Variants in ZMAT5 observed in about 807,000 individuals in gnomAD.
ZMAT5 encodes the protein zinc finger matrin-type 5.
Under a neutral mutation model 28.0 loss-of-function variants are expected in ZMAT5, and 23 were observed. That is an observed-to-expected ratio of 0.82 (90% confidence interval 0.59 to 1.16). The LOEUF (loss-of-function observed/expected upper bound fraction) is 1.16, where lower values mean the gene tolerates loss of function less well. Among genes scored for constraint, ZMAT5 ranks in the 50% most tolerant of loss-of-function variants. ZMAT5 has a pLI of 0.00. For missense variants in ZMAT5, 173 were observed against 212.7 expected, an observed-to-expected ratio of 0.81 and a Z score of 1.16; for synonymous variants, 76 against 84.1, an observed-to-expected ratio of 0.90 and a Z score of 0.52.
At chr22:29,765,320 G>C (rs2068196805) in intron 1 of ZMAT5, among the ~76,000 whole-genome samples, 1 of 151,968 alleles carries the variant, frequency 6.6e-6, no homozygotes, top group East Asian at 1.9e-4. Context: ...TCAGTAGGCT[G>C]AGGCATGAGA....
chr22:29,762,637 G>A (rs557185564), intron 1 of ZMAT5, among the ~76,000 whole-genome samples: 4 of 152,320 alleles, frequency 2.6e-5, no homozygotes, highest in East Asian at 1.9e-4. Context: ...AGATGGGACC[G>A]TCTAGTTGCA....
intron 1 of ZMAT5, among the ~76,000 whole-genome samples, chr22:29,765,629 G>A (rs746226910): frequency 6.6e-6 from 1 of 151,832 alleles, no homozygotes; most frequent in Non-Finnish European, 1.5e-5. Flanking sequence ...CAGCACTTTG[G>A]GAGGCCAAGA....
At chr22:29,758,452 C>T (rs1438653736) in intron 1 of ZMAT5, among the ~76,000 whole-genome samples, 1 of 152,120 alleles carries the variant, frequency 6.6e-6, no homozygotes, top group Non-Finnish European at 1.5e-5. Flanking sequence ...CCTATCTCTA[C>T]AAACAGTTTG....
intron 1 of ZMAT5, among the ~76,000 whole-genome samples, chr22:29,766,152 A>G (rs1289789983): frequency 2.0e-5 from 3 of 152,174 alleles, no homozygotes; most frequent in Non-Finnish European, 2.9e-5. Flanking sequence ...TGTCTCTAAA[A>G]ACAAAAACCA....
intron 1 of ZMAT5, 128 bp from the exon 2 acceptor site, chr22:29,748,699 GT>G (rs1283744483): frequency 8.1e-7 from 1 of 1,234,568 alleles, no homozygotes; most frequent in East Asian, 2.6e-5. Flanking sequence ...CCCATTAGGA[GT>G]GTCAAGCTGA....
intron 1 of ZMAT5, among the ~76,000 whole-genome samples, chr22:29,758,427 G>A (rs1700249106): frequency 6.6e-6 from 1 of 152,200 alleles, no homozygotes; most frequent in African/African-American, 2.4e-5. Context: ...ACCAGCCTGA[G>A]CAACATAGTA....
chr22:29,737,597 T>C (rs1239926935), intron 5 of ZMAT5, among the ~76,000 whole-genome samples: 2 of 152,224 alleles, frequency 1.3e-5, no homozygotes, highest in Non-Finnish European at 2.9e-5. Flanking sequence ...ATGCGGCTCC[T>C]GGGCGCAGCT....
intron 5 of ZMAT5, chr22:29,731,944 T>C (rs1433577846): frequency 6.6e-6 from 1 of 152,110 alleles, no homozygotes. Context: ...AAAAAAACAT[T>C]GTCTAAATTT....
intron 1 of ZMAT5, among the ~76,000 whole-genome samples, chr22:29,764,065 G>C (rs1244379917): frequency 2.0e-5 from 3 of 151,712 alleles, no homozygotes; most frequent in Non-Finnish European, 4.4e-5. Context: ...CAGGCTGCAA[G>C]GAACTATGAT....
At chr22:29,745,096 C>T (rs542219832) in intron 2 of ZMAT5, among the ~76,000 whole-genome samples, 1 of 152,364 alleles carries the variant, frequency 6.6e-6, no homozygotes, top group African/African-American at 2.4e-5. Flanking sequence ...GAGAACAAGT[C>T]GGAGCTGGTC....
chr22:29,740,149 GA>G (rs2067948061), intron 4 of ZMAT5, among the ~76,000 whole-genome samples: 1 of 152,210 alleles, frequency 6.6e-6, no homozygotes, highest in Non-Finnish European at 1.5e-5. Flanking sequence ...CTAACTAGAG[GA>G]GTGAATTTCC....
At chr22:29,738,990 G>A (rs1044894460) in intron 4 of ZMAT5, among the ~76,000 whole-genome samples, 4 of 151,488 alleles carry the variant, frequency 2.6e-5, no homozygotes, top group African/African-American at 4.9e-5. Flanking sequence ...CAACCTGGGC[G>A]GCAAGAGTGA....
chr22:29,742,386 C>G, intron 3 of ZMAT5, 32 bp downstream of exon 3: 11 of 1,602,516 alleles, frequency 6.9e-6, no homozygotes, highest in Non-Finnish European at 9.4e-6. Flanking sequence ...CGCAGGTCCC[C>G]GCAGGGACCT....
At chr22:29,734,282 C>T (rs1391499343) in intron 5 of ZMAT5, among the ~76,000 whole-genome samples, 1 of 152,196 alleles carries the variant, frequency 6.6e-6, no homozygotes, top group African/African-American at 2.4e-5. Context: ...CATGGACCCC[C>T]ACTTCCCCAT....
In ZMAT5 at chr22:29,734,691, G is replaced by A. The variant is rs750740815; in HGVS notation, c.384-3337C>T. Among the ~76,000 whole-genome samples, 6 of 152,320 alleles carry A rather than the reference G, an allele frequency of 3.9e-5. No individual in the cohort carries two copies. The South Asian group carries it at 8.3e-4, about 21-fold the overall frequency. On this transcript the variant is annotated intron_variant, in intron 5 of 5. Transcript: ENST00000344318. Reference sequence around the variant, plus strand: ...AGTTTCAGGCAAGAAAATAGCATGCGCAAGGTGCTCCAAAATCACAAATGA... The same window carrying A: ...AGTTTCAGGCAAGAAAATAGCATGCACAAGGTGCTCCAAAATCACAAATGA...
chr22:29,732,771 G>GCACATC (rs2067863838), intron 5 of ZMAT5, among the ~76,000 whole-genome samples: 1 of 147,978 alleles, frequency 6.8e-6, no homozygotes, highest in African/African-American at 2.5e-5. Flanking sequence ...AAGTACACAT[G>GCACATC]CACATCCACA....
intron 2 of ZMAT5, among the ~76,000 whole-genome samples, chr22:29,742,932 C>T (rs778081408): frequency 2.6e-5 from 4 of 152,100 alleles, no homozygotes; most frequent in Admixed American, 6.6e-5. Flanking sequence ...GGTGTGACTA[C>T]AGCTGTGCAC....
At chr22:29,733,773 G>A (rs2067876873) in intron 5 of ZMAT5, among the ~76,000 whole-genome samples, 1 of 152,154 alleles carries the variant, frequency 6.6e-6, no homozygotes, top group Admixed American at 6.5e-5. Context: ...CAGATTCCTG[G>A]GAACCTGGGA....
At chr22:29,746,636 C>G (rs1281191535) in intron 2 of ZMAT5, 2 of 152,470 alleles carry the variant, frequency 1.3e-5, no homozygotes, top group Non-Finnish European at 2.9e-5. Flanking sequence ...CTGGCTTGGC[C>G]TGCCCAGCCT....
Sources: gnomAD v4.1 joint callset for allele counts (sites outside exome capture counted in the v4.1 genomes callset) on GRCh38, gnomAD v4.1.1 for gene constraint, MANE v1.5 for transcripts, NCBI Gene and HGNC (gene_info 2026-07-23, HGNC 2026-07-21) for gene names.